Variants in DPP10 observed in about 807,000 individuals in gnomAD.
DPP10 encodes dipeptidyl peptidase like 10, also known as inactive dipeptidyl peptidase 10.
A neutral mutation model predicts 120.9 loss-of-function variants in DPP10; 33 were observed. The observed-to-expected ratio is 0.27, with a 90% CI of 0.21 to 0.37. The LOEUF (loss-of-function observed/expected upper bound fraction) is 0.37, where lower values mean the gene tolerates loss of function less well. Among genes scored for constraint, DPP10 ranks in the 10% least tolerant of loss-of-function variants. The pLI, the probability that DPP10 is intolerant of heterozygous loss-of-function variation, is 1.00. For synonymous variants in DPP10, 337 were observed against 326.1 expected, an observed-to-expected ratio of 1.03 and a Z score of -0.36; for missense variants, 816 against 942.8, an observed-to-expected ratio of 0.87 and a Z score of 1.76.
At chr2:115,526,024 G>A (rs2078115738) in intron 5 of DPP10, 52 bp downstream of exon 5, 5 of 1,426,634 alleles carry the variant, frequency 3.5e-6, no homozygotes, top group Non-Finnish European at 4.8e-6. Flanking sequence ...GCATTGGGGT[G>A]ACAATGCATA....
intron 1 of DPP10, among the ~76,000 whole-genome samples, chr2:114,462,937 T>G (rs1288739017): frequency 6.6e-6 from 1 of 152,236 alleles, no homozygotes; most frequent in Non-Finnish European, 1.5e-5. Flanking sequence ...ACACCTATCA[T>G]TTTTGTTTTG....
intron 1 of DPP10, among the ~76,000 whole-genome samples, chr2:114,596,931 G>C (rs2105199896): frequency 6.6e-6 from 1 of 152,108 alleles, no homozygotes; most frequent in Middle Eastern, 3.4e-3. Flanking sequence ...TGTAGCCATT[G>C]TCCTAGTTAC....
chr2:114,485,179 G>T (rs1681396570), intron 1 of DPP10, among the ~76,000 whole-genome samples: 1 of 152,082 alleles, frequency 6.6e-6, no homozygotes, highest in Non-Finnish European at 1.5e-5. Flanking sequence ...AGCTTGCATT[G>T]TTGTCGTTGT....
intron 1 of DPP10, among the ~76,000 whole-genome samples, chr2:115,260,458 G>A (rs1391449450): frequency 6.6e-6 from 1 of 152,156 alleles, no homozygotes; most frequent in Admixed American, 6.5e-5. Flanking sequence ...CTCAAGAAAG[G>A]CTTGGCGCAA....
At chr2:115,208,339 A>G (rs543942597) in intron 1 of DPP10, among the ~76,000 whole-genome samples, 1 of 152,060 alleles carries the variant, frequency 6.6e-6, no homozygotes, top group East Asian at 1.9e-4. Context: ...AGCTGGGATT[A>G]CAGGCATCTG....
intron 1 of DPP10, among the ~76,000 whole-genome samples, chr2:114,993,322 A>G (rs1574650823): frequency 2.0e-5 from 3 of 150,964 alleles, no homozygotes; most frequent in African/African-American, 7.3e-5. Context: ...TTGTCATTGC[A>G]TATCTGGGAG....
At chr2:115,613,129 G>A (rs79910670) in intron 5 of DPP10, among the ~76,000 whole-genome samples, 4,545 of 152,230 alleles carry the variant, frequency 0.03, 97 homozygotes, top group Middle Eastern at 0.065. Context: ...TCTGTGACTC[G>A]CTGTGGAAGT....
chr2:115,291,260 T>C (rs1369639996), intron 1 of DPP10, among the ~76,000 whole-genome samples: 1 of 152,102 alleles, frequency 6.6e-6, no homozygotes, highest in East Asian at 1.9e-4. Context: ...TGCCTTGACC[T>C]CCCAAAGTGC....
chr2:115,810,672 T>C (rs143988350), intron 19 of DPP10, among the ~76,000 whole-genome samples: 7 of 152,350 alleles, frequency 4.6e-5, no homozygotes, highest in Non-Finnish European at 8.8e-5. Context: ...AATAGACAAG[T>C]GTCATATTGC....
At chr2:115,168,472 A>G (rs2053071456) in intron 1 of DPP10, among the ~76,000 whole-genome samples, 1 of 152,216 alleles carries the variant, frequency 6.6e-6, no homozygotes, top group African/African-American at 2.4e-5. Flanking sequence ...GCTCTAGTGA[A>G]TGCTGTCCTG....
intron 1 of DPP10, among the ~76,000 whole-genome samples, chr2:114,470,109 A>T (rs954163028): frequency 1.3e-5 from 2 of 152,346 alleles, no homozygotes; most frequent in South Asian, 4.1e-4. Flanking sequence ...TTCCTGGGTT[A>T]AGTGGTTAGT....
At position 115,006,783 on chromosome 2, in the gene DPP10, C is replaced by T. The variant is rs184734603; in HGVS notation, c.61-302456C>T. On this transcript the variant is annotated intron_variant, in intron 1 of 25. Transcript: ENST00000410059. ...CATTAATAATTGGAGACTTTAACACCCCACTGTCAACATTAGACAGATCAA... is the reference window on the plus strand; with the variant it reads ...CATTAATAATTGGAGACTTTAACACTCCACTGTCAACATTAGACAGATCAA... 5.6e-3 allele frequency among the ~76,000 whole-genome samples: 846 copies of T among 151,800 alleles called. 9 individuals are homozygous for T. Among genetic ancestry groups the T allele is most frequent in the African/African-American group, 0.019 (798 of 41,360 alleles).
At chr2:114,681,133 T>A (rs772140475) in intron 1 of DPP10, among the ~76,000 whole-genome samples, 4 of 152,006 alleles carry the variant, frequency 2.6e-5, no homozygotes, top group Non-Finnish European at 5.9e-5. Flanking sequence ...TCTTGCTTTT[T>A]CTGAAGTCTT....
At position 115,237,076 on chromosome 2, in the gene DPP10, C is replaced by T. The variant is rs999358978; in HGVS notation, c.61-72163C>T. ...CAGGTTCCTACTATGAAGCTAAGCT[C>T]TATACAGACAAAGCTTATTTTATTG... On this transcript the variant is annotated intron_variant, in intron 1 of 25. Coordinates refer to ENST00000410059, the MANE Select transcript of DPP10 (RefSeq NM_020868.6). Among the ~76,000 whole-genome samples the T allele has an allele frequency of 4.6e-5, 7 of 152,052 alleles. No individual in the cohort carries two copies. The East Asian group carries it at 5.8e-4, about 13-fold the overall frequency.
intron 1 of DPP10, among the ~76,000 whole-genome samples, chr2:115,154,892 CTTT>C (rs34462965): frequency 2.2e-5 from 3 of 136,478 alleles, no homozygotes; most frequent in Admixed American, 7.3e-5. Context: ...TTTGCCATTA[CTTT>C]TTTTTTTTTT....
intron 3 of DPP10, among the ~76,000 whole-genome samples, chr2:115,413,477 A>G (rs1229297248): frequency 6.6e-6 from 1 of 152,190 alleles, no homozygotes; most frequent in Non-Finnish European, 1.5e-5. Context: ...AGGTTTGTGT[A>G]AATTAGATTT....
At chr2:115,285,506 C>A (rs2060328493) in intron 1 of DPP10, among the ~76,000 whole-genome samples, 1 of 151,984 alleles carries the variant, frequency 6.6e-6, no homozygotes, top group African/African-American at 2.4e-5. Context: ...CACCGGTGAC[C>A]TTTCTGCATA....
At chr2:115,817,015 A>G (rs180793580) in intron 21 of DPP10, among the ~76,000 whole-genome samples, 1,970 of 151,024 alleles carry the variant, frequency 0.013, 46 homozygotes, top group African/African-American at 0.042. Flanking sequence ...TTGGGAGGCC[A>G]AGGCGGGAGG....
At chr2:115,317,885 T>A (rs2106081820) in intron 2 of DPP10, among the ~76,000 whole-genome samples, 1 of 152,194 alleles carries the variant, frequency 6.6e-6, no homozygotes. Context: ...AGAAACATAT[T>A]TTCATATACT....
Sources: gnomAD v4.1 joint callset for allele counts (sites outside exome capture counted in the v4.1 genomes callset) on GRCh38, gnomAD v4.1.1 for gene constraint, MANE v1.5 for transcripts, NCBI Gene and HGNC (gene_info 2026-07-23, HGNC 2026-07-21) for gene names.